KCND2: variants seen among roughly 807,000 people sequenced by gnomAD.
The protein encoded by KCND2 is potassium voltage-gated channel subfamily D member 2.
KCND2 carries 16 observed loss-of-function variants against 54.4 expected under a neutral mutation model. The observed-to-expected ratio is 0.29, with a 90% CI of 0.20 to 0.45. KCND2 has a LOEUF of 0.45. KCND2 is among the 20% of genes least tolerant of loss of function. KCND2 has a pLI of 1.00. For missense variants in KCND2, 486 were observed against 824.2 expected, an observed-to-expected ratio of 0.59 and a Z score of 5.02; for synonymous variants, 317 against 310.7, an observed-to-expected ratio of 1.02 and a Z score of -0.21.
intron 1 of KCND2, chr7:120,672,884 C>T (rs557088369): frequency 2.0e-5 from 3 of 152,130 alleles, no homozygotes; most frequent in South Asian, 4.1e-4. Flanking sequence ...TTTGGCAGCA[C>T]GTGTACTAAT....
intron 1 of KCND2, among the ~76,000 whole-genome samples, chr7:120,416,777 C>CAAAAA (rs200783464): frequency 3.6e-5 from 4 of 112,366 alleles, no homozygotes; most frequent in African/African-American, 1.2e-4. Flanking sequence ...CATAGACTAG[C>CAAAAA]AAAAAAAAAA....
intron 1 of KCND2, among the ~76,000 whole-genome samples, chr7:120,706,036 A>G (rs1792462899): frequency 6.6e-6 from 1 of 152,138 alleles, no homozygotes; most frequent in Non-Finnish European, 1.5e-5. Context: ...GCGCAGGGCC[A>G]TGCAGTTCAC....
chr7:120,444,815 G>A (rs916598719), intron 1 of KCND2, among the ~76,000 whole-genome samples: 2 of 152,110 alleles, frequency 1.3e-5, no homozygotes, highest in African/African-American at 4.8e-5. Flanking sequence ...ATGTTAAGGT[G>A]TAATGATTCA....
At chr7:120,559,820 G>T (rs925495797) in intron 1 of KCND2, among the ~76,000 whole-genome samples, 5 of 152,142 alleles carry the variant, frequency 3.3e-5, no homozygotes, top group African/African-American at 1.2e-4. Context: ...GCATCAGAAT[G>T]TGAGTTCATG....
At chr7:120,563,037 C>T (rs1169585981) in intron 1 of KCND2, among the ~76,000 whole-genome samples, 1 of 152,084 alleles carries the variant, frequency 6.6e-6, no homozygotes, top group African/African-American at 2.4e-5. Flanking sequence ...AAATGTCATG[C>T]AATATGGAAT....
chr7:120,681,214 G>C (rs1224348000), intron 1 of KCND2, among the ~76,000 whole-genome samples: 1 of 151,998 alleles, frequency 6.6e-6, no homozygotes, highest in Non-Finnish European at 1.5e-5. Flanking sequence ...CTGAGGTCAG[G>C]ATTCCAGGAC....
chr7:120,675,844 GTCTT>G (rs1205958515), intron 1 of KCND2, among the ~76,000 whole-genome samples: 1 of 145,584 alleles, frequency 6.9e-6, no homozygotes, highest in Non-Finnish European at 1.5e-5. Flanking sequence ...CTTCCTACTT[GTCTT>G]TCTATTCTTT....
chr7:120,717,475 T>G (rs1792617899), intron 1 of KCND2, among the ~76,000 whole-genome samples: 1 of 152,134 alleles, frequency 6.6e-6, no homozygotes, highest in Non-Finnish European at 1.5e-5. Flanking sequence ...CAGTTGACAT[T>G]GAGTAGCTGG....
chr7:120,475,246 C>T lies in KCND2; in HGVS notation c.1115+199499C>T, dbSNP rs575670103. ...TCTCACTATTTAATTTAGTTCTGAA[C>T]GTTGAACATAAGCACATACAGATAC... On this transcript the variant is annotated intron_variant, in intron 1 of 5. Transcript: ENST00000331113. 7.2e-5 allele frequency among the ~76,000 whole-genome samples: 11 copies of T among 152,232 alleles called. No homozygotes were observed. In the East Asian group the frequency reaches 1.4e-3, roughly 19 times the overall value.
intron 1 of KCND2, among the ~76,000 whole-genome samples, chr7:120,367,137 T>C (rs1433081716): frequency 6.6e-6 from 1 of 152,092 alleles, no homozygotes; most frequent in Admixed American, 6.6e-5. Flanking sequence ...CATAAGGTGG[T>C]TGTCATACAC....
At chr7:120,588,561 C>A (rs1012344627) in intron 1 of KCND2, among the ~76,000 whole-genome samples, 1 of 151,990 alleles carries the variant, frequency 6.6e-6, no homozygotes, top group Non-Finnish European at 1.5e-5. Flanking sequence ...ATAAGCAGAG[C>A]ACTATTCACC....
chr7:120,442,560 T>C (rs1397504383), intron 1 of KCND2, among the ~76,000 whole-genome samples: 1 of 152,066 alleles, frequency 6.6e-6, no homozygotes, highest in African/African-American at 2.4e-5. Context: ...AAATTATATT[T>C]GAAGCAATAT....
At chr7:120,541,344 TA>T (rs760339877) in intron 1 of KCND2, among the ~76,000 whole-genome samples, 1 of 152,012 alleles carries the variant, frequency 6.6e-6, no homozygotes, top group Non-Finnish European at 1.5e-5. Context: ...AAAGCTTTAT[TA>T]AAAAAAGAGG....
chr7:120,554,033 T>A (rs1792132779), intron 1 of KCND2, among the ~76,000 whole-genome samples: 1 of 152,194 alleles, frequency 6.6e-6, no homozygotes, highest in Non-Finnish European at 1.5e-5. Context: ...TTAATGTACA[T>A]CACATGAGAA....
intron 1 of KCND2, among the ~76,000 whole-genome samples, chr7:120,593,404 G>C (rs1004422140): frequency 2.6e-5 from 4 of 152,138 alleles, no homozygotes; most frequent in African/African-American, 9.7e-5. Context: ...TCGGTCTACA[G>C]ACATTGTCCC....
At chr7:120,276,334 C>T (rs957935090) in intron 1 of KCND2, among the ~76,000 whole-genome samples, 12 of 152,066 alleles carry the variant, frequency 7.9e-5, no homozygotes, top group African/African-American at 2.9e-4. Flanking sequence ...ATAGGTTATT[C>T]AGTCTTTTAG....
At chr7:120,323,971 AC>A (rs1284903013) in intron 1 of KCND2, among the ~76,000 whole-genome samples, 2 of 128,122 alleles carry the variant, frequency 1.6e-5, no homozygotes, top group Admixed American at 8.1e-5. Context: ...TTGTTTCCTG[AC>A]TTTTTAATGA....
At chr7:120,432,319 C>T (rs147380021) in intron 1 of KCND2, among the ~76,000 whole-genome samples, 58 of 152,296 alleles carry the variant, frequency 3.8e-4, no homozygotes, top group Non-Finnish European at 7.1e-4. Flanking sequence ...AGTATATGTA[C>T]ATTGGGATTC....
chr7:120,416,681 A>G (rs1801529182), intron 1 of KCND2, among the ~76,000 whole-genome samples: 1 of 152,082 alleles, frequency 6.6e-6, no homozygotes, highest in Non-Finnish European at 1.5e-5. Context: ...AAAGAAAAGT[A>G]CAACCCTCAT....
Sources: gnomAD v4.1 joint callset for allele counts (sites outside exome capture counted in the v4.1 genomes callset) on GRCh38, gnomAD v4.1.1 for gene constraint, MANE v1.5 for transcripts, NCBI Gene and HGNC (gene_info 2026-07-23, HGNC 2026-07-21) for gene names.